The following SLC2A9 variants were observed in gnomAD, a reference collection of about 807,000 sequenced individuals.
SLC2A9 encodes the protein solute carrier family 2, facilitated glucose transporter member 9.
Under a neutral mutation model 50.6 loss-of-function variants are expected in SLC2A9, and 39 were observed. That is an observed-to-expected ratio of 0.77 (90% CI 0.60 to 1.01). SLC2A9 has a LOEUF of 1.01. SLC2A9 is among the 50% of genes least tolerant of loss of function. The pLI is 0.00. For synonymous variants in SLC2A9, 324 were observed against 276.9 expected (o/e 1.17, Z -1.69); for missense variants, 686 against 677.6 (o/e 1.01, Z -0.14).
Position 9,971,619 on chromosome 4 carries a change from C to T in SLC2A9, c.681+8973G>A, listed in dbSNP as rs76779569. Among the ~76,000 whole-genome samples, 1,439 of 152,302 alleles carry T rather than the reference C, an allele frequency of 9.4e-3. 27 individuals are homozygous for T. The highest frequency in any genetic ancestry group is 0.033 in the African/African-American group (1,388 of 41,562). On this transcript the variant is annotated intron_variant, in intron 5 of 11. Transcript: ENST00000264784. Reference sequence around the variant, plus strand: ...TGAGACAGGTTGATCCCAGCTGCCTCACCTAGGGATAATCAAAACCTAACT... The same window carrying T: ...TGAGACAGGTTGATCCCAGCTGCCTTACCTAGGGATAATCAAAACCTAACT...
chr4:10,006,445 A>T (rs1760788203), intron 2 of SLC2A9: 1 of 152,228 alleles, frequency 6.6e-6, no homozygotes, highest in Non-Finnish European at 1.5e-5. Flanking sequence ...ACAATGCCTT[A>T]GGGCTTTATA....
chr4:10,014,717 T>C (rs1762321178), intron 2 of SLC2A9, among the ~76,000 whole-genome samples: 1 of 152,208 alleles, frequency 6.6e-6, no homozygotes, highest in Non-Finnish European at 1.5e-5. Flanking sequence ...TGATTATTTA[T>C]TGAGCCTCTG....
At chr4:10,007,821 G>A (rs761190952) in intron 2 of SLC2A9, among the ~76,000 whole-genome samples, 20 of 152,144 alleles carry the variant, frequency 1.3e-4, no homozygotes, top group African/African-American at 1.4e-4. Flanking sequence ...CAGGGGCCCC[G>A]TCTGCAACAT....
chr4:9,823,232 C>T (rs994137990), downstream of SLC2A9, among the ~76,000 whole-genome samples: 1 of 151,988 alleles, frequency 6.6e-6, no homozygotes, highest in Non-Finnish European at 1.5e-5. Context: ...GGGCCTAATC[C>T]CCAACTCCTG....
chr4:9,780,437 G>C (rs995616134), intron 3 of SLC2A9, among the ~76,000 whole-genome samples: 1 of 152,150 alleles, frequency 6.6e-6, no homozygotes, highest in African/African-American at 2.4e-5. Context: ...AAGCACTGAG[G>C]GGGAAGGAGG....
intron 10 of SLC2A9, chr4:9,880,321 GGGGGT>G: frequency 5.1e-6 from 5 of 985,620 alleles, no homozygotes; most frequent in Non-Finnish European, 6.0e-6. Context: ...GGTCAACACA[GGGGGT>G]TGAAGATGGA....
intron 1 of SLC2A9, among the ~76,000 whole-genome samples, chr4:10,027,553 C>T (rs967237738): frequency 2.6e-5 from 4 of 152,012 alleles, no homozygotes; most frequent in African/African-American, 7.2e-5. Flanking sequence ...TACAACCTCC[C>T]GGCATCTTCA....
At chr4:9,826,661 A>G (rs1725186001) in intron 11 of SLC2A9, 61 bp from the exon 12 acceptor site, 1 of 1,474,482 alleles carries the variant, frequency 6.8e-7, no homozygotes, top group African/African-American at 1.4e-5. Flanking sequence ...CTGTTAAACC[A>G]TCTCTACACA....
chr4:9,803,681 C>G lies in SLC2A9; in HGVS notation n.421-4440G>C, dbSNP rs574467353. ...GTATTTTCAGTAGCACTTGCTATCA[C>G]TTGATATTATGTGTCTGGTCTGCCT... On this transcript the variant is annotated intron_variant and non_coding_transcript_variant, in intron 3 of 3. Transcript: ENST00000503280. 2.0e-4 allele frequency among the ~76,000 whole-genome samples: 31 copies of G among 152,340 alleles called. 1 individual carries two copies. The South Asian group carries it at 6.4e-3, about 32-fold the overall frequency.
intron 10 of SLC2A9, among the ~76,000 whole-genome samples, chr4:9,877,392 CT>C (rs1484659801): frequency 6.6e-6 from 1 of 152,212 alleles, no homozygotes; most frequent in Non-Finnish European, 1.5e-5. Flanking sequence ...GCCTGCCCCC[CT>C]GGCAGGAGAT....
At chr4:9,895,634 T>C (rs903748252) in intron 8 of SLC2A9, among the ~76,000 whole-genome samples, 1 of 152,228 alleles carries the variant, frequency 6.6e-6, no homozygotes, top group Non-Finnish European at 1.5e-5. Context: ...CTGGGACCTC[T>C]GGTGAAATAA....
chr4:9,920,298 C>T, intron 7 of SLC2A9, 87 bp downstream of exon 7: 1 of 1,441,724 alleles, frequency 6.9e-7, no homozygotes, highest in Non-Finnish European at 9.6e-7. Context: ...AGATTTGAAC[C>T]TGGGCGTCTG....
chr4:9,907,756 G>A (rs561047234), intron 8 of SLC2A9, among the ~76,000 whole-genome samples: 1 of 152,334 alleles, frequency 6.6e-6, no homozygotes, highest in Non-Finnish European at 1.5e-5. Flanking sequence ...TTAAAAGGAA[G>A]ATGACAGGGA....
At chr4:9,948,441 C>T (rs776652042) in intron 5 of SLC2A9, among the ~76,000 whole-genome samples, 1 of 152,218 alleles carries the variant, frequency 6.6e-6, no homozygotes, top group African/African-American at 2.4e-5. Flanking sequence ...CCCACACCTG[C>T]GTCACCTGCA....
At chr4:10,011,640 G>A (rs1761779434) in intron 2 of SLC2A9, among the ~76,000 whole-genome samples, 1 of 151,934 alleles carries the variant, frequency 6.6e-6, no homozygotes, top group Admixed American at 6.6e-5. Flanking sequence ...AAATTTGGCA[G>A]TCTTTTACAA....
At chr4:9,863,574 C>T (rs1456141215) in intron 10 of SLC2A9, among the ~76,000 whole-genome samples, 6 of 152,152 alleles carry the variant, frequency 3.9e-5, no homozygotes, top group African/African-American at 1.2e-4. Flanking sequence ...AGACAGCCTC[C>T]CCATAGGCCC....
intron 11 of SLC2A9, among the ~76,000 whole-genome samples, chr4:9,832,873 G>A (rs945013054): frequency 5.9e-5 from 9 of 152,150 alleles, no homozygotes; most frequent in Non-Finnish European, 1.5e-5. Context: ...GCATGTTGGT[G>A]CTGTTAATGC....
At chr4:9,893,241 T>C (rs927224127) in intron 8 of SLC2A9, among the ~76,000 whole-genome samples, 2 of 150,512 alleles carry the variant, frequency 1.3e-5, no homozygotes, top group South Asian at 2.1e-4. Flanking sequence ...CCCCTCCGCA[T>C]TCCTGGCTCT....
chr4:9,834,925 A>G lies in SLC2A9; in HGVS notation c.1375T>C (p.Trp459Arg), dbSNP rs1726780824. 6.2e-7 allele frequency: 1 copy of G among 1,614,194 alleles called. No homozygotes were observed. The change falls in exon 11 of 12, where the codon TGG becomes CGG. Residue 459 changes from tryptophan (W) to arginine (R), a missense_variant. By Grantham distance (101) the Trp-to-Arg change is moderately radical. Transcript: ENST00000264784. ...AAFIIAGTVN[W>R]LSNFAVGLLF... ...AGCCCAACAGCAAAGTTGGAGAGCC[A>G]GTTGACGGTGCCTGCAATGATGAAG...
Sources: gnomAD v4.1 joint callset for allele counts (sites outside exome capture counted in the v4.1 genomes callset) on GRCh38, gnomAD v4.1.1 for gene constraint, MANE v1.5 for transcripts, NCBI Gene and HGNC (gene_info 2026-07-23, HGNC 2026-07-21) for gene names.